Variants in CUX1 observed in about 807,000 individuals in gnomAD.
The protein encoded by CUX1 is cut like homeobox 1, also known as protein CASP.
In CUX1, 31 loss-of-function variants were observed where a neutral mutation model predicts 158.8. The observed-to-expected ratio is 0.20, with a 90% CI of 0.15 to 0.26. CUX1 has a LOEUF of 0.26. CUX1 is among the 10% of genes least tolerant of loss of function. CUX1 has a pLI of 1.00. For missense variants in CUX1, 1,589 were observed against 2,014.6 expected (o/e 0.79, Z 4.04); for synonymous variants, 879 against 862.1 (o/e 1.02, Z -0.34).
chr7:101,842,872 A>ATTTTTTTT (rs375610847), intron 1 of CUX1, among the ~76,000 whole-genome samples: 4 of 105,776 alleles, frequency 3.8e-5, no homozygotes, highest in Non-Finnish European at 5.6e-5. Flanking sequence ...AAATTATTCT[A>ATTTTTTTT]TTTTTTTTTT....
In CUX1 at chr7:102,249,847, C is replaced by T; in HGVS notation, c.*805C>T. The T allele has an allele frequency of 1.0e-6, 1 of 985,530 alleles. No homozygotes were observed. Among genetic ancestry groups the T allele is most frequent in the Non-Finnish European group, 1.2e-6 (1 of 829,710 alleles). The allele number at this position is 985,530 out of a possible 1,614,324, so 61.0% of individuals were successfully genotyped here. On this transcript the variant is annotated 3_prime_UTR_variant, in exon 24 of 24. Coordinates refer to ENST00000292535, the MANE Select transcript of CUX1 (RefSeq NM_181552.4). ...TGAAACTTTGAATTAAAATAAAACA[C>T]ATTTACTCCACATATTTTTTAACAA...
At chr7:102,073,165 CTTTTTTTTTT>C (rs869202667) in intron 4 of CUX1, among the ~76,000 whole-genome samples, 2 of 66,884 alleles carry the variant, frequency 3.0e-5, no homozygotes, top group Non-Finnish European at 2.5e-5. Flanking sequence ...TCTTTTCTTT[CTTTTTTTTTT>C]TTTTTTTTTT....
At chr7:102,126,177 C>CTGTGTGTGTGTGTGTG (rs3988138) in intron 8 of CUX1, among the ~76,000 whole-genome samples, 71 of 135,540 alleles carry the variant, frequency 5.2e-4, no homozygotes, top group Middle Eastern at 3.6e-3. Context: ...CCATTTCCGG[C>CTGTGTGTGTGTGTGTG]TGTGTGTGTG....
intron 2 of CUX1, among the ~76,000 whole-genome samples, chr7:101,963,990 C>T (rs1810830333): frequency 6.6e-6 from 1 of 151,464 alleles, no homozygotes; most frequent in Admixed American, 6.6e-5. Context: ...TATGTAATTT[C>T]ACTTCAACTT....
intron 3 of CUX1, among the ~76,000 whole-genome samples, chr7:102,060,816 G>A (rs1824760935): frequency 6.7e-6 from 1 of 150,296 alleles, no homozygotes; most frequent in East Asian, 2.0e-4. Flanking sequence ...GTTTCACCAT[G>A]TTGGCCAGGC....
intron 8 of CUX1, among the ~76,000 whole-genome samples, chr7:102,131,053 T>G (rs201526): frequency 0.64 from 95,424 of 149,228 alleles, 32,041 homozygotes; most frequent in African/African-American, 0.82. Flanking sequence ...GAAAGCTGAG[T>G]CAGCGAGATC....
chr7:102,012,579 A>G (rs1389705734), intron 2 of CUX1, among the ~76,000 whole-genome samples: 1 of 152,030 alleles, frequency 6.6e-6, no homozygotes, highest in African/African-American at 2.4e-5. Context: ...TAGTCACTCT[A>G]CTTTTCCCAG....
chr7:102,070,571 A>G (rs1208484177), intron 4 of CUX1, among the ~76,000 whole-genome samples, 154 bp downstream of exon 4: 1 of 152,180 alleles, frequency 6.6e-6, no homozygotes, highest in Non-Finnish European at 1.5e-5. Context: ...GGACACATGA[A>G]TTCTTCACAA....
chr7:102,136,519 A>C (rs565206933), intron 8 of CUX1, among the ~76,000 whole-genome samples: 9 of 151,724 alleles, frequency 5.9e-5, no homozygotes, highest in Non-Finnish European at 1.2e-4. Flanking sequence ...AGCCTCCCCA[A>C]TAGCTGGGAT....
chr7:101,886,407 C>T (rs1419993153), intron 1 of CUX1, among the ~76,000 whole-genome samples: 2 of 152,054 alleles, frequency 1.3e-5, no homozygotes, highest in Non-Finnish European at 2.9e-5. Flanking sequence ...CACTGTGTTG[C>T]CCAGGCTGGT....
intron 20 of CUX1, chr7:102,281,779 G>GC (rs781803751): frequency 2.4e-5 from 27 of 1,141,470 alleles, no homozygotes; most frequent in Non-Finnish European, 3.3e-5. Context: ...TGAAGCCCAG[G>GC]CAGCCCTGCA....
chr7:101,933,501 G>A (rs1404715258), intron 2 of CUX1, among the ~76,000 whole-genome samples: 1 of 152,134 alleles, frequency 6.6e-6, no homozygotes, highest in Non-Finnish European at 1.5e-5. Flanking sequence ...TGGAGATTAA[G>A]ATTTCTTAAT....
At chr7:102,158,683 C>A in intron 9 of CUX1, 75 bp downstream of exon 9, 1 of 1,431,854 alleles carries the variant, frequency 7.0e-7, no homozygotes, top group Non-Finnish European at 9.8e-7. Context: ...AGATGCGTCA[C>A]CCGAAGTTAG....
chr7:101,955,969 G>A (rs1205068716), intron 2 of CUX1, among the ~76,000 whole-genome samples: 1 of 151,854 alleles, frequency 6.6e-6, no homozygotes, highest in Admixed American at 6.6e-5. Flanking sequence ...GGATCACGAG[G>A]TCAGGGGATG....
At chr7:101,885,558 C>CA (rs1800136885) in intron 1 of CUX1, among the ~76,000 whole-genome samples, 1 of 151,970 alleles carries the variant, frequency 6.6e-6, no homozygotes, top group Admixed American at 6.6e-5. Context: ...GACCCTGTCC[C>CA]AAAAAATAAA....
Position 102,198,744 on chromosome 7 carries a change from T to G in CUX1, c.1895-58T>G, listed in dbSNP as rs554161457. The G allele has an allele frequency of 2.0e-6, 3 of 1,477,508 alleles. No individual in the cohort carries two copies. In the African/African-American group the frequency reaches 4.2e-5, roughly 20 times the overall value. 91.5% of individuals were successfully genotyped at this position (1,477,508 alleles called of 1,614,324 possible). A position where few individuals can be genotyped will look rare whatever the true frequency, so the allele number is the denominator to read the frequency against. On this transcript the variant is annotated intron_variant, in intron 15 of 23. Transcript: ENST00000292535. ...CAGATTTCATGTCACACAGCCCATA[T>G]CGTCAACACCACCATTCCCCTGATT...
intron 5 of CUX1, among the ~76,000 whole-genome samples, chr7:102,103,891 T>C (rs1830057315): frequency 6.6e-6 from 1 of 152,116 alleles, no homozygotes; most frequent in African/African-American, 2.4e-5. Context: ...CTTTCTTGAC[T>C]CCACTTCGAT....
chr7:102,105,937 A>T (rs936531830), intron 6 of CUX1, among the ~76,000 whole-genome samples: 1 of 152,122 alleles, frequency 6.6e-6, no homozygotes, highest in Non-Finnish European at 1.5e-5. Context: ...TAGTATGAAG[A>T]AATGTATGTA....
chr7:102,184,939 C>T (rs1160653087), intron 11 of CUX1, among the ~76,000 whole-genome samples: 1 of 152,194 alleles, frequency 6.6e-6, no homozygotes, highest in African/African-American at 2.4e-5. Flanking sequence ...ACTCACTGCA[C>T]CCAGCCAGAC....
Sources: allele counts gnomAD v4.1 joint callset (sites outside exome capture counted in the v4.1 genomes callset), GRCh38; gene constraint gnomAD v4.1.1; transcripts MANE v1.5; gene names NCBI Gene and HGNC (gene_info 2026-07-23, HGNC 2026-07-21).